Variants in NFIX observed in about 807,000 individuals in gnomAD.
The protein encoded by NFIX is nuclear factor I X, also known as nuclear factor 1 X-type.
Under a neutral mutation model 53.3 loss-of-function variants are expected in NFIX, and 2 were observed. The observed-to-expected ratio is 0.04, with a 90% CI of 0.02 to 0.12. The LOEUF is 0.12. NFIX is among the 10% of genes least tolerant of loss of function. The pLI is 1.00. For missense variants in NFIX, 310 were observed against 674.5 expected (o/e 0.46, Z 5.99); for synonymous variants, 244 against 289.0 (o/e 0.84, Z 1.58).
At chr19:13,059,976 G>A (rs1316597141) in intron 2 of NFIX, among the ~76,000 whole-genome samples, 2 of 151,632 alleles carry the variant, frequency 1.3e-5, no homozygotes, top group Non-Finnish European at 2.9e-5. Flanking sequence ...TAGTAGAGAC[G>A]GGGTTTCACC....
chr19:13,001,867 C>T lies in NFIX; in HGVS notation c.27+6003C>T, dbSNP rs557511722. 5.9e-4 allele frequency among the ~76,000 whole-genome samples: 90 copies of T among 152,336 alleles called. No homozygotes were observed. Among genetic ancestry groups the T allele is most frequent in the African/African-American group, 2.0e-3 (85 of 41,576 alleles). On this transcript the variant is annotated intron_variant, in intron 1 of 10. Transcript: ENST00000592199. This position sits in a 1 kb window ranked among gnomAD's most constrained non-coding sequence, Gnocchi z 6.5. ...CTCAGTCCCTTCCCATGAGGTTGAG[C>T]GGCCGCAGTGGCCTTGCTGGGGGCC...
chr19:13,029,670 T>C (rs2013646886), intron 2 of NFIX, among the ~76,000 whole-genome samples: 1 of 152,084 alleles, frequency 6.6e-6, no homozygotes, highest in Non-Finnish European at 1.5e-5. Flanking sequence ...CTCCCCTCCC[T>C]CCCTACCTTC....
chr19:13,032,225 C>G (rs1005224891), intron 2 of NFIX, among the ~76,000 whole-genome samples: 2 of 152,168 alleles, frequency 1.3e-5, no homozygotes, highest in Non-Finnish European at 2.9e-5. Flanking sequence ...GAACTCCTTT[C>G]TGAGTTGGGG....
intron 1 of NFIX, among the ~76,000 whole-genome samples, chr19:13,008,868 A>T (rs943227918): frequency 6.6e-6 from 1 of 152,178 alleles, no homozygotes; most frequent in African/African-American, 2.4e-5. Context: ...AAGGTTTGCA[A>T]ACAGGTGGAG....
intron 2 of NFIX, among the ~76,000 whole-genome samples, chr19:13,056,860 C>A (rs2015729054): frequency 6.6e-6 from 1 of 152,234 alleles, no homozygotes; most frequent in Admixed American, 6.5e-5. Flanking sequence ...GCTGGTACCA[C>A]CCAGCAGCCC....
chr19:13,019,232 C>T, intron 1 of NFIX, among the ~76,000 whole-genome samples: 1 of 152,124 alleles, frequency 6.6e-6, no homozygotes, highest in East Asian at 1.9e-4. Context: ...GTTGCAAAAC[C>T]TATCTCAGTC....
In NFIX at chr19:13,087,990, C is replaced by T; in HGVS notation, c.1256C>T (p.Pro419Leu). ...TCACTCTATTTATGTTGTTCGCAGCCCAACGGTAGCGGCCAGGGCAAAGTC... is the reference window on the plus strand; with the variant it reads ...TCACTCTATTTATGTTGTTCGCAGCTCAACGGTAGCGGCCAGGGCAAAGTC... ...SDGSGQATGQPNGSGQGKVPG... is the reference protein window; with the variant it reads ...SDGSGQATGQLNGSGQGKVPG... The change falls in exon 9 of 11, where the codon CCC becomes CTC. Residue 419 changes from proline (P) to leucine (L), a missense_variant and splice_region_variant. Coordinates refer to ENST00000592199, the MANE Select transcript of NFIX (RefSeq NM_001365902.3). The T allele has an allele frequency of 6.5e-7, 1 of 1,536,020 alleles. No homozygotes were observed. The highest frequency in any genetic ancestry group is 8.7e-7 in the Non-Finnish European group (1 of 1,146,884).
intron 1 of NFIX, among the ~76,000 whole-genome samples, chr19:13,023,264 A>ACACG (rs2013058001): frequency 1.3e-5 from 2 of 148,772 alleles, no homozygotes; most frequent in African/African-American, 2.5e-5. Context: ...ACACTCACAC[A>ACACG]CACGCCCCAT....
At chr19:12,997,751 C>A (rs558352322) in intron 1 of NFIX, among the ~76,000 whole-genome samples, 7 of 152,342 alleles carry the variant, frequency 4.6e-5, no homozygotes, top group South Asian at 4.1e-4. Context: ...GAGACACCAG[C>A]CCCTCAGATT....
intron 2 of NFIX, among the ~76,000 whole-genome samples, chr19:13,058,080 G>A (rs2015825002): frequency 6.6e-6 from 1 of 152,076 alleles, no homozygotes; most frequent in African/African-American, 2.4e-5. Flanking sequence ...AGTGACCCTA[G>A]GAACAGGGGA....
At chr19:13,063,062 C>T (rs2016185863) in intron 2 of NFIX, among the ~76,000 whole-genome samples, 1 of 152,148 alleles carries the variant, frequency 6.6e-6, no homozygotes, top group Non-Finnish European at 1.5e-5. Flanking sequence ...CAGAACCCTG[C>T]TTAAGGCCAG....
chr19:13,085,457 G>A (rs932588832), intron 8 of NFIX, among the ~76,000 whole-genome samples: 5 of 152,206 alleles, frequency 3.3e-5, no homozygotes, highest in African/African-American at 1.2e-4. Flanking sequence ...GAGGAGTGAG[G>A]CTGTGATCAG....
rs1317397481 is a variant in NFIX at position 13,005,527 on chromosome 19, G to GAGTT, written c.27+9664_27+9667dup. Among the ~76,000 whole-genome samples the GAGTT allele has an allele frequency of 1.3e-5, 2 of 152,178 alleles. No individual in the cohort carries two copies. Among genetic ancestry groups the GAGTT allele is most frequent in the Non-Finnish European group, 2.9e-5 (2 of 68,040 alleles). On this transcript the variant is annotated intron_variant, in intron 1 of 10. Coordinates refer to ENST00000592199, the MANE Select transcript of NFIX (RefSeq NM_001365902.3). This position sits in a 1 kb window ranked among gnomAD's most constrained non-coding sequence, Gnocchi z 4.7. ...AGCAGGGCTGTGGTAAGGATCTGAG[G>GAGTT]AGTTGGTTCACAGCACACGCTTTAA...
intron 2 of NFIX, among the ~76,000 whole-genome samples, chr19:13,033,248 A>T (rs10422784): frequency 8.7e-4 from 133 of 152,176 alleles, no homozygotes; most frequent in Non-Finnish European, 1.6e-3. Flanking sequence ...TCCCAGGAGG[A>T]GGAGGGCCTA....
Position 12,996,014 on chromosome 19 carries a change from C to G in NFIX, c.27+150C>G, listed in dbSNP as rs1366040485. On this transcript the variant is annotated intron_variant, in intron 1 of 10. Coordinates refer to ENST00000592199, the MANE Select transcript of NFIX (RefSeq NM_001365902.3). The surrounding 1 kb of genome is among the most constrained non-coding windows in gnomAD (Gnocchi z 5.2). ...GGGTGCAGGCTGTGCCGCGGGGAGC[C>G]CAGGCACGCGTGCGGGCGTCACCGT... is the stretch of plus-strand genomic sequence containing the variant. The G allele has an allele frequency of 5.0e-6, 1 of 201,418 alleles. No individual in the cohort carries two copies. The highest frequency in any genetic ancestry group is 8.8e-6 in the Non-Finnish European group (1 of 114,164). 12.5% of individuals were successfully genotyped at this position (201,418 alleles called of 1,614,324 possible). A position where few individuals can be genotyped will look rare whatever the true frequency, so the allele number is the denominator to read the frequency against.
intron 1 of NFIX, among the ~76,000 whole-genome samples, chr19:13,004,247 C>G (rs1385892793): frequency 4.6e-5 from 7 of 152,060 alleles, no homozygotes; most frequent in Admixed American, 4.6e-4. Context: ...TCCCCAGATA[C>G]ACAGTAACAC....
At chr19:13,019,723 G>GTTTTTTTTTTTTT (rs1414490273) in intron 1 of NFIX, among the ~76,000 whole-genome samples, 2 of 115,818 alleles carry the variant, frequency 1.7e-5, no homozygotes, top group African/African-American at 6.9e-5. Flanking sequence ...TTTTTTTTTT[G>GTTTTTTTTTTTTT]TTTGTTTGTT....
intron 2 of NFIX, among the ~76,000 whole-genome samples, chr19:13,057,259 C>A (rs1028027337): frequency 2.6e-5 from 4 of 152,212 alleles, no homozygotes; most frequent in Non-Finnish European, 4.4e-5. Context: ...GTTCTGACGG[C>A]TGTGCCTGTG....
At position 13,025,649 on chromosome 19, in the gene NFIX, A is replaced by G. The variant is rs762898160; in HGVS notation, c.559+97A>G. 10 of 1,422,744 alleles carry G rather than the reference A, an allele frequency of 7.0e-6. No homozygotes were observed. The highest frequency in any genetic ancestry group is 1.9e-5 in the Admixed American group (1 of 51,756). The allele number at this position is 1,422,744 out of a possible 1,614,324, so 88.1% of individuals were successfully genotyped here. On this transcript the variant is annotated intron_variant, in intron 2 of 10. Coordinates refer to ENST00000592199, the MANE Select transcript of NFIX (RefSeq NM_001365902.3). This position sits in a 1 kb window ranked among gnomAD's most constrained non-coding sequence, Gnocchi z 7.5. ...TCTAATTTCCAAGCGATAACTCGCC[A>G]TGGGCCTAACTGGTGTATGCCCGTC...
Sources: allele counts gnomAD v4.1 joint callset (sites outside exome capture counted in the v4.1 genomes callset), GRCh38; gene constraint gnomAD v4.1.1; non-coding constraint Gnocchi (gnomAD v3.1); transcripts MANE v1.5; gene names NCBI Gene and HGNC (gene_info 2026-07-23, HGNC 2026-07-21).